Variants in HACD1 observed in about 807,000 individuals in gnomAD.
HACD1 encodes 3-hydroxyacyl-CoA dehydratase 1.
A neutral mutation model predicts 32.0 loss-of-function variants in HACD1; 41 were observed. The observed-to-expected ratio is 1.28, with a 90% CI of 1.00 to 1.66. HACD1 has a LOEUF of 1.66. Among genes scored for constraint, HACD1 ranks in the 40% most tolerant of loss-of-function variants. The pLI, the probability that HACD1 is intolerant of heterozygous loss-of-function variation, is 0.00. For synonymous variants in HACD1, 142 were observed against 139.0 expected, an observed-to-expected ratio of 1.02 and a Z score of -0.15; for missense variants, 396 against 380.1, an observed-to-expected ratio of 1.04 and a Z score of -0.35.
At chr10:17,609,155 G>GTTTTTTTTTTTTTTTTGTTTTTT (rs1834191555) in intron 1 of HACD1, among the ~76,000 whole-genome samples, 2 of 132,128 alleles carry the variant, frequency 1.5e-5, no homozygotes, top group African/African-American at 5.7e-5. Flanking sequence ...TGTGCAAAAG[G>GTTTTTTTTTTTTTTTTGTTTTTT]TTTTTTTTTT....
At chr10:17,604,191 T>C (rs1834111871) in intron 1 of HACD1, 144 bp from the exon 2 acceptor site, 4 of 628,094 alleles carry the variant, frequency 6.4e-6, no homozygotes, top group South Asian at 2.1e-5. Flanking sequence ...ATACTTGAAA[T>C]GTGGTCTATA....
At chr10:17,590,789 A>G (rs555722823) in intron 6 of HACD1, among the ~76,000 whole-genome samples, 2 of 152,048 alleles carry the variant, frequency 1.3e-5, no homozygotes, top group Non-Finnish European at 2.9e-5. Flanking sequence ...CTCCTGCCTC[A>G]GTCTCCCGAG....
chr10:17,593,938 A>T (rs1833961152), intron 6 of HACD1, among the ~76,000 whole-genome samples: 1 of 152,226 alleles, frequency 6.6e-6, no homozygotes, highest in Non-Finnish European at 1.5e-5. Flanking sequence ...CTTTAAAAAA[A>T]TCATACTAAG....
chr10:17,611,150 G>A (rs578062813), intron 1 of HACD1, among the ~76,000 whole-genome samples: 15 of 152,000 alleles, frequency 9.9e-5, no homozygotes, highest in South Asian at 6.2e-4. Flanking sequence ...ACAGGTGCAC[G>A]CCACCACACC....
rs184801816 is a variant in HACD1 at position 17,616,130 on chromosome 10, G to T, written c.257+953C>A. On this transcript the variant is annotated intron_variant, in intron 1 of 6. Coordinates refer to ENST00000361271, the MANE Select transcript of HACD1 (RefSeq NM_014241.4). Reference sequence around the variant, plus strand: ...AAAAATACAAAAAAATTAGCCAGGCGTGGTGGCGGGCGCCTGTAGTCCCAG... The same window carrying T: ...AAAAATACAAAAAAATTAGCCAGGCTTGGTGGCGGGCGCCTGTAGTCCCAG... Among the ~76,000 whole-genome samples, 248 of 152,106 alleles carry T rather than the reference G, an allele frequency of 1.6e-3. 1 individual carries two copies. Among genetic ancestry groups the T allele is most frequent in the African/African-American group, 4.8e-3 (201 of 41,498 alleles).
At chr10:17,608,730 G>C (rs782323253) in intron 1 of HACD1, among the ~76,000 whole-genome samples, 1 of 152,040 alleles carries the variant, frequency 6.6e-6, no homozygotes, top group Non-Finnish European at 1.5e-5. Context: ...CAAGCGATCT[G>C]CCTGCCTCAG....
At chr10:17,599,653 C>A (rs578205330) in intron 4 of HACD1, among the ~76,000 whole-genome samples, 15 of 152,278 alleles carry the variant, frequency 9.9e-5, no homozygotes, top group Admixed American at 3.3e-4. Context: ...TCCTTCACTT[C>A]AGGAAATAAC....
At chr10:17,603,855 A>T in intron 2 of HACD1, 75 bp downstream of exon 2, 1 of 1,483,700 alleles carries the variant, frequency 6.7e-7, no homozygotes, top group Non-Finnish European at 9.4e-7. Flanking sequence ...CAGCAAAATC[A>T]TATTGATTTT....
At chr10:17,595,003 C>T (rs899070493) in intron 5 of HACD1, among the ~76,000 whole-genome samples, 2 of 151,984 alleles carry the variant, frequency 1.3e-5, no homozygotes, top group African/African-American at 4.8e-5. Context: ...GGACTACAGG[C>T]GCCCGCCACC....
At chr10:17,616,953 A>C in intron 1 of HACD1, 130 bp downstream of exon 1, 1 of 997,160 alleles carries the variant, frequency 1.0e-6, no homozygotes, top group Non-Finnish European at 1.3e-6. Flanking sequence ...CCGCGGCGAC[A>C]GCTCCCTTCC....
intron 4 of HACD1, chr10:17,603,329 T>C (rs1375933731): frequency 5.0e-6 from 2 of 403,758 alleles, no homozygotes; most frequent in Non-Finnish European, 8.8e-6. Context: ...AACTGGAAAA[T>C]ATCAAAGGAG....
intron 1 of HACD1, among the ~76,000 whole-genome samples, chr10:17,608,073 G>A (rs1432384170): frequency 6.6e-6 from 1 of 152,016 alleles, no homozygotes; most frequent in East Asian, 1.9e-4. Context: ...TGAGTGGTGT[G>A]CCCATGGCTC....
chr10:17,604,605 A>G (rs997909821), intron 1 of HACD1, among the ~76,000 whole-genome samples: 34 of 152,222 alleles, frequency 2.2e-4, no homozygotes, highest in African/African-American at 8.0e-4. Flanking sequence ...TGCTATGTGA[A>G]ATAAGCTAGG....
chr10:17,598,501 G>A (rs868967348), intron 5 of HACD1, among the ~76,000 whole-genome samples: 87 of 152,166 alleles, frequency 5.7e-4, no homozygotes, highest in Middle Eastern at 3.4e-3. Flanking sequence ...CATATTATTA[G>A]TTTATGTTTT....
At chr10:17,597,342 T>C (rs1425149533) in intron 5 of HACD1, among the ~76,000 whole-genome samples, 3 of 152,194 alleles carry the variant, frequency 2.0e-5, no homozygotes, top group Non-Finnish European at 2.9e-5. Context: ...TTCACCATGT[T>C]GGCCAGGCTG....
chr10:17,607,031 G>C (rs1441084162), intron 1 of HACD1, among the ~76,000 whole-genome samples: 1 of 152,080 alleles, frequency 6.6e-6, no homozygotes, highest in Non-Finnish European at 1.5e-5. Context: ...TATATACTGT[G>C]CCCTGAGATA....
intron 4 of HACD1, among the ~76,000 whole-genome samples, chr10:17,600,978 G>A (rs1235109175): frequency 7.3e-5 from 11 of 151,700 alleles, no homozygotes; most frequent in African/African-American, 2.7e-4. Context: ...GTGATTTAAC[G>A]TTAAGTGTAC....
At chr10:17,612,493 A>G (rs4237346) in intron 1 of HACD1, among the ~76,000 whole-genome samples, 98,313 of 152,068 alleles carry the variant, frequency 0.65, 32,432 homozygotes, top group African/African-American at 0.78. Context: ...TAAGTAAAAT[A>G]TATTGTACAA....
intron 6 of HACD1, among the ~76,000 whole-genome samples, chr10:17,590,922 G>T (rs1272079421): frequency 6.6e-6 from 1 of 152,140 alleles, no homozygotes; most frequent in Non-Finnish European, 1.5e-5. Flanking sequence ...TGATCCGCCT[G>T]CCTCGGCCTC....
Sources: allele counts gnomAD v4.1 joint callset (sites outside exome capture counted in the v4.1 genomes callset), GRCh38; gene constraint gnomAD v4.1.1; transcripts MANE v1.5; gene names NCBI Gene and HGNC (gene_info 2026-07-23, HGNC 2026-07-21).